The following CACNA1H variants were observed in gnomAD, a reference collection of about 807,000 sequenced individuals.
CACNA1H encodes calcium voltage-gated channel subunit alpha1 H.
CACNA1H carries 149 observed loss-of-function variants against 192.5 expected under a neutral mutation model. The observed-to-expected ratio is 0.77, with a 90% CI of 0.68 to 0.89. CACNA1H has a LOEUF of 0.89. Among genes scored for constraint, CACNA1H ranks in the 40% least tolerant of loss-of-function variants. CACNA1H has a pLI of 0.00. For missense variants in CACNA1H, 4,257 were observed against 3,423.5 expected, an observed-to-expected ratio of 1.24 and a Z score of -6.08; for synonymous variants, 2,202 against 1,475.2, an observed-to-expected ratio of 1.49 and a Z score of -11.29.
In CACNA1H at chr16:1,153,831, AGCCCCGGG is replaced by A; in HGVS notation, c.97_104del (p.Pro33AlafsTer89). 1 of 1,288,242 alleles carries A rather than the reference AGCCCCGGG, an allele frequency of 7.8e-7. No individual in the cohort carries two copies. The highest frequency in any genetic ancestry group is 9.8e-7 in the Non-Finnish European group (1 of 1,019,712). 79.8% of individuals were successfully genotyped at this position (1,288,242 alleles called of 1,614,324 possible). A position where few individuals can be genotyped will look rare whatever the true frequency, so the allele number is the denominator to read the frequency against. ...GGCGTTGGTGGGGGCGTCCCCGGAG[AGCCCCGGG>A]GCGCCGGGACGCGAGGCGGAGCGGG... is the stretch of plus-strand genomic sequence containing the variant. On this transcript the variant is annotated frameshift_variant, in exon 2 of 35. Coordinates refer to ENST00000348261, the MANE Select transcript of CACNA1H (RefSeq NM_021098.3). LOFTEE classifies it high-confidence loss of function.
At chr16:1,164,242 G>A (rs947380204) in intron 2 of CACNA1H, among the ~76,000 whole-genome samples, 5 of 152,204 alleles carry the variant, frequency 3.3e-5, no homozygotes, top group Non-Finnish European at 7.3e-5. Context: ...TGTTTGAGAC[G>A]GGCGGCAGTG....
chr16:1,202,849 C>T (rs1361145147), intron 9 of CACNA1H, among the ~76,000 whole-genome samples: 1 of 152,086 alleles, frequency 6.6e-6, no homozygotes, highest in Non-Finnish European at 1.5e-5. Context: ...GAGGCTGGCC[C>T]CCCTTCTAGG....
At chr16:1,181,288 G>A (rs889920180) in intron 2 of CACNA1H, among the ~76,000 whole-genome samples, 5 of 152,232 alleles carry the variant, frequency 3.3e-5, no homozygotes, top group East Asian at 3.9e-4. Context: ...CGGCATGGCC[G>A]GCCCCTCCAC....
chr16:1,218,610 A>AT lies in CACNA1H; in HGVS notation c.5846_5847insT (p.Gln1949HisfsTer81). ...TCGGCGCCCCACCCCCGCCCGCTGC[A>AT]GGAGGTGGAGATGGAGACCTATGGG... On this transcript the variant is annotated frameshift_variant, in exon 33 of 35. Coordinates refer to ENST00000348261, the MANE Select transcript of CACNA1H (RefSeq NM_021098.3). LOFTEE classifies it high-confidence loss of function. The AT allele has an allele frequency of 6.4e-7, 1 of 1,563,564 alleles. No homozygotes were observed.
intron 2 of CACNA1H, among the ~76,000 whole-genome samples, chr16:1,181,917 A>C (rs1384790630): frequency 1.3e-5 from 2 of 151,654 alleles, no homozygotes; most frequent in African/African-American, 4.9e-5. Context: ...TGCGCCCCTC[A>C]CACATGCATG....
Position 1,205,219 on chromosome 16 carries a change from A to G in CACNA1H, c.2557A>G (p.Ile853Val), listed in dbSNP as rs906645609. The change falls in exon 11 of 35, where the codon ATC becomes GTC. Residue 853 changes from isoleucine to valine, a missense_variant. By Grantham distance (29) the Ile-to-Val change is conservative. Coordinates refer to ENST00000348261, the MANE Select transcript of CACNA1H (RefSeq NM_021098.3). ...KLLACGPLGY[I>V]RNPYNIFDGI... The stretch of plus-strand genomic sequence containing the variant: ...GCTGGCCTGCGGCCCTCTGGGCTAC[A>G]TCCGGAACCCGTACAACATCTTCGA... 6.2e-7 allele frequency: 1 copy of G among 1,612,944 alleles called. No homozygotes were observed. Among genetic ancestry groups the G allele is most frequent in the Non-Finnish European group, 8.5e-7 (1 of 1,179,690 alleles).
In CACNA1H at chr16:1,200,380, G is replaced by C; in HGVS notation, c.928G>C (p.Glu310Gln). ...QKCSHIPGRR[E>Q]LRMPCTLGWE... ...GTGCTCGCACATCCCCGGCCGCCGC[G>C]AGCTGCGCATGCCCTGCACCCTGGG... The change falls in exon 7 of 35, where the codon GAG (glutamate) becomes CAG (glutamine). Residue 310 changes from glutamate (E) to glutamine (Q), a missense_variant. Physicochemically the swap from Glu to Gln is conservative, Grantham distance 29. Transcript: ENST00000348261. The C allele has an allele frequency of 1.9e-6, 3 of 1,603,046 alleles. No individual in the cohort carries two copies. The highest frequency in any genetic ancestry group is 2.6e-6 in the Non-Finnish European group (3 of 1,175,652).
In CACNA1H at chr16:1,200,806, A is replaced by G. The variant is rs751513581; in HGVS notation, c.1210A>G (p.Ile404Val). The G allele has an allele frequency of 3.0e-5, 47 of 1,550,662 alleles. No homozygotes were observed. Among genetic ancestry groups the G allele is most frequent in the Middle Eastern group, 3.3e-4 (2 of 6,014 alleles). Residue 404 changes from isoleucine (I) to valine (V), a missense_variant and splice_region_variant, in exon 8 of 35, where the codon ATC becomes GTC. Physicochemically the swap from Ile to Val is conservative, Grantham distance 29. Coordinates refer to ENST00000348261, the MANE Select transcript of CACNA1H (RefSeq NM_021098.3). The stretch of plus-strand genomic sequence containing the variant: ...CTTCATCTATTTCATCCTGCTCATC[A>G]TCGTGAGTGTGGGCGGCAGTGTTCG... Reference protein sequence around the residue: ...YNFIYFILLIIVGSFFMINLC... With the variant: ...YNFIYFILLIVVGSFFMINLC...
intron 6 of CACNA1H, among the ~76,000 whole-genome samples, chr16:1,199,158 C>A (rs1967413443): frequency 1.8e-5 from 1 of 55,942 alleles, no homozygotes; most frequent in Admixed American, 1.5e-4. Flanking sequence ...CGTGCGGTCG[C>A]TGCACATATG....
chr16:1,215,718 T>C (rs920220546), intron 30 of CACNA1H, 125 bp downstream of exon 30: 1 of 806,612 alleles, frequency 1.2e-6, no homozygotes, highest in Middle Eastern at 2.3e-4. Context: ...TGGCTGAAGC[T>C]GCGTCCCTGC....
rs1241864992 is a variant in CACNA1H at position 1,201,983 on chromosome 16, A to G, written c.1533A>G (p.Thr511=). The G allele has an allele frequency of 6.5e-7, 1 of 1,541,610 alleles. No individual in the cohort carries two copies. Among genetic ancestry groups the G allele is most frequent in the South Asian group, 1.2e-5 (1 of 83,916 alleles). The part of the protein sequence containing the change: ...GHRQRRAGRH[T]ASVHHLVYHH... ...GCCAGCGCCGGGCAGGCAGGCACAC[A>G]GCCTCGGTGCACCACCTGGTCTACC... The change falls in exon 9 of 35, where the codon ACA becomes ACG. Residue 511 remains threonine, a synonymous_variant. Coordinates refer to ENST00000348261, the MANE Select transcript of CACNA1H (RefSeq NM_021098.3).
intron 2 of CACNA1H, among the ~76,000 whole-genome samples, chr16:1,186,273 C>G (rs555113975): frequency 6.6e-6 from 1 of 151,936 alleles, no homozygotes; most frequent in Admixed American, 6.6e-5. Flanking sequence ...TAAGAATGCG[C>G]GGCTCCCTCG....
rs1453773362 is a variant in CACNA1H, at chr16:1,204,172, C to T, written c.2165C>T (p.Ser722Leu). 1.2e-6 allele frequency: 2 copies of T among 1,612,370 alleles called. No individual in the cohort carries two copies. Among genetic ancestry groups the T allele is most frequent in the Admixed American group, 1.7e-5 (1 of 59,990 alleles). The part of the protein sequence containing the change: ...GELSGSESGD[S>L]DGRGVYEFTQ... ...CTCAGCGGCTCGGAAAGTGGAGACT[C>T]AGATGGCCGTGGCGTCTATGAATTC... The change falls in exon 10 of 35, where the codon TCA becomes TTA. Residue 722 changes from serine (S) to leucine (L), a missense_variant. Physicochemically the swap from Ser to Leu is moderately radical, Grantham distance 145. Coordinates refer to ENST00000348261, the MANE Select transcript of CACNA1H (RefSeq NM_021098.3).
At chr16:1,161,042 A>G (rs970191520) in intron 2 of CACNA1H, among the ~76,000 whole-genome samples, 1 of 151,660 alleles carries the variant, frequency 6.6e-6, no homozygotes, top group African/African-American at 2.4e-5. Context: ...GGCTCCTCTG[A>G]CCCCCAAGGT....
At chr16:1,168,167 C>G (rs1330263946) in intron 2 of CACNA1H, among the ~76,000 whole-genome samples, 1 of 151,852 alleles carries the variant, frequency 6.6e-6, no homozygotes, top group Admixed American at 6.5e-5. Context: ...CCCCCGCCCC[C>G]TCCAGTTGGG....
chr16:1,221,211 CCGAGTTTTGCTA>C lies in CACNA1H; in HGVS notation c.*219_*230del. On this transcript the variant is annotated 3_prime_UTR_variant, in exon 35 of 35. Coordinates refer to ENST00000348261, the MANE Select transcript of CACNA1H (RefSeq NM_021098.3). ...TCCGTCCGTTCTGGTTCGGGTTTCT[CCGAGTTTTGCTA>C]CCAGCCGAGGCTGTGCGGGCAACTG... 1.9e-6 allele frequency: 1 copy of C among 515,028 alleles called. No homozygotes were observed. 31.9% of individuals were successfully genotyped at this position (515,028 alleles called of 1,614,324 possible).
At chr16:1,162,254 T>A (rs1395389212) in intron 2 of CACNA1H, among the ~76,000 whole-genome samples, 2 of 152,062 alleles carry the variant, frequency 1.3e-5, no homozygotes, top group Non-Finnish European at 2.9e-5. Flanking sequence ...CCTGTGGCAC[T>A]CTGTTACAGC....
intron 26 of CACNA1H, among the ~76,000 whole-genome samples, chr16:1,213,574 G>C (rs1403088070): frequency 6.6e-6 from 1 of 152,078 alleles, no homozygotes; most frequent in Admixed American, 6.5e-5. Flanking sequence ...ATCTCACCTA[G>C]AACAGGGTCC....
At chr16:1,204,718 C>T (rs1031013059) in intron 10 of CACNA1H, among the ~76,000 whole-genome samples, 1 of 148,370 alleles carries the variant, frequency 6.7e-6, no homozygotes, top group Non-Finnish European at 1.5e-5. Flanking sequence ...CCTCTTGACC[C>T]TTTGGGTCTT....
Sources: allele counts gnomAD v4.1 joint callset (sites outside exome capture counted in the v4.1 genomes callset), GRCh38; gene constraint gnomAD v4.1.1; transcripts MANE v1.5; gene names NCBI Gene and HGNC (gene_info 2026-07-23, HGNC 2026-07-21).